The following CAMK2G variants were observed in gnomAD, a reference collection of about 807,000 sequenced individuals.
CAMK2G encodes the protein calcium/calmodulin dependent protein kinase II gamma.
In CAMK2G, 23 loss-of-function variants were observed where a neutral mutation model predicts 88.7. The ratio of observed to expected loss-of-function variants is 0.26; its 90% CI spans 0.19 to 0.37. CAMK2G has a LOEUF of 0.37. Ranked by LOEUF, CAMK2G falls within the 10% of genes least tolerant of loss-of-function variation. CAMK2G has a pLI of 1.00. For missense variants in CAMK2G, 476 were observed against 780.8 expected, an observed-to-expected ratio of 0.61 and a Z score of 4.65; for synonymous variants, 263 against 294.8, an observed-to-expected ratio of 0.89 and a Z score of 1.11.
At chr10:73,815,289 G>T in intron 21 of CAMK2G, 42 bp from the exon 22 acceptor site, 1 of 1,324,312 alleles carries the variant, frequency 7.6e-7, no homozygotes. Flanking sequence ...ATCAGGCCTG[G>T]GCACCTGCAT....
In CAMK2G at chr10:73,839,120, G is replaced by A. The variant is rs1364853824; in HGVS notation, c.1009+419C>T. Among the ~76,000 whole-genome samples the A allele has an allele frequency of 2.0e-5, 3 of 152,190 alleles. No homozygotes were observed. The highest frequency in any genetic ancestry group is 1.9e-4 in the East Asian group (1 of 5,190). On this transcript the variant is annotated intron_variant, in intron 13 of 22. Coordinates refer to ENST00000423381, the MANE Select transcript of CAMK2G (RefSeq NM_001367534.1). This position sits in a 1 kb window ranked among gnomAD's most constrained non-coding sequence, Gnocchi z 4.2. ...CTTTCAGACCTGGAGGCCAGCAAGC[G>A]CCAGACTTCACAATTTTGAGGAGCG...
At chr10:73,852,015 G>A (rs562464065) in intron 5 of CAMK2G, among the ~76,000 whole-genome samples, 1 of 152,298 alleles carries the variant, frequency 6.6e-6, no homozygotes, top group East Asian at 1.9e-4. Context: ...CCAAAGTGCT[G>A]GGATTACAGG....
At chr10:73,821,608 G>A in intron 18 of CAMK2G, 74 bp downstream of exon 18, 2 of 1,116,480 alleles carry the variant, frequency 1.8e-6, no homozygotes, top group South Asian at 1.3e-5. Flanking sequence ...GGACAGAAAA[G>A]GCAGGTGCCC....
intron 4 of CAMK2G, 53 bp downstream of exon 4, chr10:73,853,139 T>C (rs1253725939): frequency 1.3e-6 from 2 of 1,548,216 alleles, no homozygotes; most frequent in Non-Finnish European, 1.8e-6. Flanking sequence ...TGAGCCTTCA[T>C]TTTGAGTCAG....
At chr10:73,858,556 C>A (rs2095208502) in intron 3 of CAMK2G, among the ~76,000 whole-genome samples, 1 of 152,186 alleles carries the variant, frequency 6.6e-6, no homozygotes, top group East Asian at 1.9e-4. Flanking sequence ...CCACCCTCAA[C>A]CCCAGAATCG....
At chr10:73,827,080 C>T (rs1007731587) in intron 15 of CAMK2G, among the ~76,000 whole-genome samples, 3 of 152,144 alleles carry the variant, frequency 2.0e-5, no homozygotes, top group African/African-American at 7.2e-5. Flanking sequence ...AGAGGGCTGC[C>T]CTACCTGTAA....
chr10:73,812,887 G>A lies in CAMK2G; in HGVS notation c.*1631C>T, dbSNP rs1041057651. 2.6e-5 allele frequency: 4 copies of A among 152,862 alleles called. No homozygotes were observed. Among genetic ancestry groups the A allele is most frequent in the South Asian group, 4.1e-4 (2 of 4,830 alleles). 9.5% of individuals were successfully genotyped at this position (152,862 alleles called of 1,614,324 possible). On this transcript the variant is annotated 3_prime_UTR_variant, in exon 23 of 23. Coordinates refer to ENST00000423381, the MANE Select transcript of CAMK2G (RefSeq NM_001367534.1). ...GAAAGGGCTAGGGCCCAGGGGCTGG[G>A]ACATGCATGAGGTGCTCGGAGGAGC...
At chr10:73,831,761 G>A (rs2092483145) in intron 14 of CAMK2G, among the ~76,000 whole-genome samples, 1 of 151,774 alleles carries the variant, frequency 6.6e-6, no homozygotes. Context: ...TCAGGAGGCT[G>A]AGGTGGAAGA....
chr10:73,848,177 CA>C lies in CAMK2G; in HGVS notation c.602-96del. ...CAGGGCTCAGAGCCACCTAGAAAGG[CA>C]GGGGCCATACCAGAGTCAGAAGTGG... On this transcript the variant is annotated intron_variant, in intron 8 of 22. Coordinates refer to ENST00000423381, the MANE Select transcript of CAMK2G (RefSeq NM_001367534.1). This position sits in a 1 kb window ranked among gnomAD's most constrained non-coding sequence, Gnocchi z 4.5. 1.3e-6 allele frequency: 1 copy of C among 777,760 alleles called. No individual in the cohort carries two copies. 48.2% of individuals were successfully genotyped at this position (777,760 alleles called of 1,614,324 possible).
Position 73,873,521 on chromosome 10 carries a change from C to A in CAMK2G, c.66-438G>T, listed in dbSNP as rs1247154439. 15 of 1,004,890 alleles carry A rather than the reference C, an allele frequency of 1.5e-5. No individual in the cohort carries two copies. In the South Asian group the frequency reaches 5.9e-4, roughly 40 times the overall value. The allele number at this position is 1,004,890 out of a possible 1,614,324, so 62.2% of individuals were successfully genotyped here. A position where few individuals can be genotyped will look rare whatever the true frequency, so the allele number is the denominator to read the frequency against. On this transcript the variant is annotated intron_variant, in intron 1 of 22. Transcript: ENST00000423381. ...GGAAAGATTAAAAAGAGGGTATCAT[C>A]CCCTGAAAGAGAAATCTCCCTCAAC...
At chr10:73,860,289 T>A (rs1422612521) in intron 3 of CAMK2G, among the ~76,000 whole-genome samples, 1 of 152,172 alleles carries the variant, frequency 6.6e-6, no homozygotes, top group Non-Finnish European at 1.5e-5. Flanking sequence ...CTCTTTTTTC[T>A]CCTTCCCCAT....
chr10:73,823,491 C>T (rs183079156), intron 17 of CAMK2G, among the ~76,000 whole-genome samples: 4 of 152,358 alleles, frequency 2.6e-5, no homozygotes, highest in African/African-American at 9.6e-5. Flanking sequence ...GTGAGGATTA[C>T]AGGTGTGAGC....
chr10:73,847,132 T>A, intron 10 of CAMK2G, 93 bp downstream of exon 10: 1 of 1,333,240 alleles, frequency 7.5e-7, no homozygotes. Context: ...GGGCCCAGAA[T>A]GAATCTCTGC....
intron 21 of CAMK2G, among the ~76,000 whole-genome samples, 157 bp from the exon 22 acceptor site, chr10:73,815,404 A>G (rs1009283876): frequency 2.2e-5 from 2 of 90,836 alleles, no homozygotes; most frequent in African/African-American, 5.8e-5. Context: ...AACGCCCTCC[A>G]GAGGCCAGGA....
chr10:73,873,295 G>T, intron 1 of CAMK2G: 1 of 1,291,808 alleles, frequency 7.7e-7, no homozygotes, highest in African/African-American at 1.5e-5. Flanking sequence ...GTGGCGTGCC[G>T]CGCTCCCACC....
chr10:73,819,700 G>C (rs1417933532), intron 18 of CAMK2G, 55 bp from the exon 19 acceptor site: 1 of 1,148,890 alleles, frequency 8.7e-7, no homozygotes, highest in Non-Finnish European at 1.2e-6. Context: ...AAAACAAACA[G>C]AACAAGGCAG....
At chr10:73,843,781 T>G (rs939706286) in intron 10 of CAMK2G, among the ~76,000 whole-genome samples, 1 of 152,162 alleles carries the variant, frequency 6.6e-6, no homozygotes, top group African/African-American at 2.4e-5. Flanking sequence ...CTTCTCTACC[T>G]TCCCCAAGTC....
chr10:73,816,951 A>C, intron 21 of CAMK2G, 72 bp downstream of exon 21: 1 of 1,613,396 alleles, frequency 6.2e-7, no homozygotes. Context: ...TGGGATGAGA[A>C]GGTGAGCAGG....
rs1446632642 is a variant in CAMK2G at position 73,817,048 on chromosome 10, A to G, written c.1509T>C (p.Asp503=). The change falls in exon 21 of 23, where the codon GAT becomes GAC. Residue 503 remains aspartate, a synonymous_variant. Transcript: ENST00000423381. ...GATTCTCAAAGTAAAACTTATGGAA[A>G]TCCATCCCCTCCACGAGGTTACCAA... ...EALGNLVEGM[D]FHKFYFENLL... is the part of the protein sequence containing the mutation. The G allele has an allele frequency of 2.5e-6, 4 of 1,614,012 alleles. No individual in the cohort carries two copies. Among genetic ancestry groups the G allele is most frequent in the Non-Finnish European group, 3.4e-6 (4 of 1,180,026 alleles).
Sources: gnomAD v4.1 joint callset for allele counts (sites outside exome capture counted in the v4.1 genomes callset) on GRCh38, gnomAD v4.1.1 for gene constraint, Gnocchi (gnomAD v3.1) non-coding constraint, MANE v1.5 for transcripts, NCBI Gene and HGNC (gene_info 2026-07-23, HGNC 2026-07-21) for gene names.